Variants in BCHE observed in about 807,000 individuals in gnomAD.
The protein encoded by BCHE is butyrylcholinesterase.
In BCHE, 48 loss-of-function variants were observed where a neutral mutation model predicts 51.3. The observed-to-expected ratio is 0.94, with a 90% CI of 0.74 to 1.19. The LOEUF (loss-of-function observed/expected upper bound fraction) is 1.19. BCHE is among the 50% of genes most tolerant of loss of function. BCHE has a pLI of 0.00. For synonymous variants in BCHE, 251 were observed against 238.0 expected (o/e 1.05, Z -0.50); for missense variants, 847 against 708.2 (o/e 1.20, Z -2.23).
rs1182073790 is a variant in BCHE at position 165,808,325 on chromosome 3, A to G, written c.1517+21192T>C. Among the ~76,000 whole-genome samples, 4 of 152,156 alleles carry G rather than the reference A, an allele frequency of 2.6e-5. No homozygotes were observed. In the East Asian group the frequency reaches 5.8e-4, roughly 22 times the overall value. ...CAACTCCAGCTATTGAAAAACAGTGACAGATTCTAGTCATTAATTTATATA... is the reference window on the plus strand; with the variant it reads ...CAACTCCAGCTATTGAAAAACAGTGGCAGATTCTAGTCATTAATTTATATA... On this transcript the variant is annotated intron_variant, in intron 2 of 3. Coordinates refer to ENST00000264381, the MANE Select transcript of BCHE (RefSeq NM_000055.4).
chr3:165,778,991 T>C (rs955127146), intron 3 of BCHE, among the ~76,000 whole-genome samples: 1 of 152,154 alleles, frequency 6.6e-6, no homozygotes, highest in African/African-American at 2.4e-5. Flanking sequence ...TTTTCATTAA[T>C]AAACATTTTG....
At chr3:165,812,503 C>A (rs888616724) in intron 2 of BCHE, among the ~76,000 whole-genome samples, 3 of 151,818 alleles carry the variant, frequency 2.0e-5, no homozygotes, top group Non-Finnish European at 2.9e-5. Flanking sequence ...GTGTTCCATG[C>A]TTAAACTGGA....
At chr3:165,833,169 T>C (rs983001817) in intron 1 of BCHE, among the ~76,000 whole-genome samples, 1 of 152,152 alleles carries the variant, frequency 6.6e-6, no homozygotes, top group Non-Finnish European at 1.5e-5. Flanking sequence ...CTAAGATCAA[T>C]AAAACATAAT....
chr3:165,821,072 T>A (rs1041817413), intron 2 of BCHE, among the ~76,000 whole-genome samples: 1 of 151,966 alleles, frequency 6.6e-6, no homozygotes, highest in African/African-American at 2.4e-5. Flanking sequence ...TTCAGCACTT[T>A]AAAATTCTAA....
intron 2 of BCHE, chr3:165,828,162 A>C: frequency 2.3e-6 from 1 of 434,608 alleles, no homozygotes. Context: ...GAATTAAAGA[A>C]ATGTTGCATG....
At chr3:165,808,044 C>T (rs1020813728) in intron 2 of BCHE, among the ~76,000 whole-genome samples, 3 of 151,830 alleles carry the variant, frequency 2.0e-5, no homozygotes, top group African/African-American at 4.8e-5. Flanking sequence ...AGTGCAGTGG[C>T]GCGATCTCAG....
In BCHE at chr3:165,829,746, C is replaced by T; in HGVS notation, c.1288G>A (p.Ala430Thr). Residue 430 changes from alanine to threonine, a missense_variant, in exon 2 of 4, where the codon GCC becomes ACC. By Grantham distance (58) the Ala-to-Thr change is moderately conservative. Transcript: ENST00000264381. ...VVGDYNFICPALEFTKKFSEW... is the reference protein window; with the variant it reads ...VVGDYNFICPTLEFTKKFSEW... ...GAGAACTTCTTGGTGAACTCCAAGG[C>T]AGGGCATATGAAATTATAATCCCCA... 1 of 1,613,862 alleles carries T rather than the reference C, an allele frequency of 6.2e-7. No individual in the cohort carries two copies. Among genetic ancestry groups the T allele is most frequent in the Non-Finnish European group, 8.5e-7 (1 of 1,179,900 alleles).
chr3:165,803,043 A>G (rs73028212), intron 2 of BCHE, among the ~76,000 whole-genome samples: 2,538 of 152,124 alleles, frequency 0.017, 59 homozygotes, highest in African/African-American at 0.058. Context: ...CGGCCAATAG[A>G]TGATATTTTT....
At chr3:165,796,031 C>T (rs1320807382) in intron 2 of BCHE, among the ~76,000 whole-genome samples, 1 of 151,972 alleles carries the variant, frequency 6.6e-6, no homozygotes, top group East Asian at 1.9e-4. Flanking sequence ...AAAGGCAAAA[C>T]ATTTCAATGT....
At chr3:165,782,209 C>T (rs1217131429) in intron 3 of BCHE, among the ~76,000 whole-genome samples, 1 of 151,886 alleles carries the variant, frequency 6.6e-6, no homozygotes, top group East Asian at 1.9e-4. Context: ...ATAATAATAT[C>T]CTTTTTAACC....
chr3:165,787,324 T>C (rs1712991986), intron 2 of BCHE, among the ~76,000 whole-genome samples: 1 of 151,872 alleles, frequency 6.6e-6, no homozygotes, highest in African/African-American at 2.4e-5. Flanking sequence ...TTCCTTATAA[T>C]ATATCTTTAT....
intron 2 of BCHE, among the ~76,000 whole-genome samples, chr3:165,816,726 G>A (rs996136450): frequency 1.3e-5 from 2 of 151,808 alleles, no homozygotes; most frequent in Non-Finnish European, 1.5e-5. Context: ...GTCTTGAGTG[G>A]ATACCATGTT....
In BCHE at chr3:165,830,055, GA is replaced by G; in HGVS notation, c.978del (p.Leu327SerfsTer32). On this transcript the variant is annotated frameshift_variant, in exon 2 of 4. Coordinates refer to ENST00000264381, the MANE Select transcript of BCHE (RefSeq NM_000055.4). LOFTEE classifies it high-confidence loss of function. ...AGTAATATGTCTGGCATGTCAGTGAGAAAATCACCATCCACGGTCGGACCAA... is the reference window on the plus strand; with the variant it reads ...AGTAATATGTCTGGCATGTCAGTGAGAAATCACCATCCACGGTCGGACCAA... ...VNFGPTVDGDFLTDMPDILLE... is the reference protein window; with the variant it reads ...VNFGPTVDGDXLTDMPDILLE... 2 of 1,613,726 alleles carry G rather than the reference GA, an allele frequency of 1.2e-6. No homozygotes were observed. Among genetic ancestry groups the G allele is most frequent in the Non-Finnish European group, 8.5e-7 (1 of 1,179,882 alleles).
intron 2 of BCHE, among the ~76,000 whole-genome samples, chr3:165,813,987 A>C (rs1714206128): frequency 6.6e-6 from 1 of 152,054 alleles, no homozygotes; most frequent in African/African-American, 2.4e-5. Context: ...GGATTTGTAC[A>C]TCCCAGAAAT....
chr3:165,807,269 T>C (rs1713902002), intron 2 of BCHE, among the ~76,000 whole-genome samples: 1 of 151,874 alleles, frequency 6.6e-6, no homozygotes. Flanking sequence ...TGACATAATA[T>C]GATTTTTATT....
chr3:165,776,408 G>A (rs1712473352), intron 3 of BCHE, among the ~76,000 whole-genome samples: 1 of 151,844 alleles, frequency 6.6e-6, no homozygotes, highest in Non-Finnish European at 1.5e-5. Context: ...GCCTCATGGT[G>A]TCTGAAAGTC....
intron 2 of BCHE, among the ~76,000 whole-genome samples, chr3:165,811,661 A>G (rs948464215): frequency 2.6e-4 from 40 of 152,162 alleles, no homozygotes; most frequent in African/African-American, 6.5e-4. Context: ...ATTTCAAATA[A>G]AACAATATAA....
At chr3:165,810,217 A>G (rs763448556) in intron 2 of BCHE, among the ~76,000 whole-genome samples, 4 of 152,174 alleles carry the variant, frequency 2.6e-5, no homozygotes, top group Non-Finnish European at 5.9e-5. Context: ...AGTTATCTTC[A>G]GTTACACCCA....
In BCHE at chr3:165,814,797, C is replaced by CA. The variant is rs551034182; in HGVS notation, c.1517+14719dup. The stretch of plus-strand genomic sequence containing the variant: ...TTTACCAGATTTAGTGAAAACAAAG[C>CA]AAAACACCCAGTTAAATGTGAATTC... On this transcript the variant is annotated intron_variant, in intron 2 of 3. Transcript: ENST00000264381. Among the ~76,000 whole-genome samples, 8 of 151,870 alleles carry CA rather than the reference C, an allele frequency of 5.3e-5. No homozygotes were observed. In the South Asian group the frequency reaches 1.7e-3, roughly 32 times the overall value.
Sources: allele counts gnomAD v4.1 joint callset (sites outside exome capture counted in the v4.1 genomes callset), GRCh38; gene constraint gnomAD v4.1.1; transcripts MANE v1.5; gene names NCBI Gene and HGNC (gene_info 2026-07-23, HGNC 2026-07-21).